The following NCOA7 variants were observed in gnomAD, a reference collection of about 807,000 sequenced individuals.
The protein encoded by NCOA7 is nuclear receptor coactivator 7.
A neutral mutation model predicts 104.3 loss-of-function variants in NCOA7; 45 were observed. The observed-to-expected ratio is 0.43, with a 90% CI of 0.34 to 0.55. The LOEUF is 0.55. Among genes scored for constraint, NCOA7 ranks in the 20% least tolerant of loss-of-function variants. The pLI is 0.02. For missense variants in NCOA7, 1,041 were observed against 1,119.7 expected, an observed-to-expected ratio of 0.93 and a Z score of 1.00; for synonymous variants, 398 against 402.3, an observed-to-expected ratio of 0.99 and a Z score of 0.13.
upstream of NCOA7, among the ~76,000 whole-genome samples, chr6:125,787,390 C>G (rs1051094486): frequency 6.6e-6 from 1 of 152,158 alleles, no homozygotes; most frequent in African/African-American, 2.4e-5. Context: ...TCTCTAAGCC[C>G]GCCTACCTTA....
At chr6:125,805,087 C>CTTTTTTTTTTTTTTTTTTTTTGT (rs1776311090) in intron 1 of NCOA7, among the ~76,000 whole-genome samples, 1 of 58,050 alleles carries the variant, frequency 1.7e-5, no homozygotes, top group African/African-American at 6.2e-5. Context: ...CCCTCTTGTT[C>CTTTTTTTTTTTTTTTTTTTTTGT]TTTTTTTTTT....
At chr6:125,816,935 C>T (rs77837782) in intron 2 of NCOA7, among the ~76,000 whole-genome samples, 3,808 of 152,332 alleles carry the variant, frequency 0.025, 61 homozygotes, top group Non-Finnish European at 0.038. Context: ...CTCACTCCTT[C>T]CATCTGCCTG....
chr6:125,796,367 C>G (rs1022133803), intron 1 of NCOA7, among the ~76,000 whole-genome samples: 1 of 18 alleles, frequency 0.056, no homozygotes, highest in African/African-American at 0.1. Flanking sequence ...TCAGTAGTCC[C>G]TCAGTATCGT....
chr6:125,838,767 G>A (rs1186855443), intron 2 of NCOA7, among the ~76,000 whole-genome samples: 2 of 152,138 alleles, frequency 1.3e-5, no homozygotes, highest in East Asian at 1.9e-4. Flanking sequence ...CAAATTTGGG[G>A]TTTCCCATGA....
At chr6:125,922,985 C>T (rs983524547) in intron 13 of NCOA7, 151 bp downstream of exon 13, 3 of 692,040 alleles carry the variant, frequency 4.3e-6, no homozygotes, top group Non-Finnish European at 6.7e-6. Context: ...TTTTTCTCTG[C>T]TGAAATATTT....
At chr6:125,825,732 C>G (rs1461485116) in intron 2 of NCOA7, among the ~76,000 whole-genome samples, 2 of 151,346 alleles carry the variant, frequency 1.3e-5, no homozygotes, top group Non-Finnish European at 1.5e-5. Context: ...GCTCCAACAT[C>G]TTTTTTTTTG....
intron 8 of NCOA7, among the ~76,000 whole-genome samples, chr6:125,886,508 A>G (rs1490281649): frequency 6.6e-6 from 1 of 152,244 alleles, no homozygotes; most frequent in Non-Finnish European, 1.5e-5. Context: ...ATTATGTTTA[A>G]TGATCTCGAT....
At chr6:125,793,229 T>C (rs1775011736) in intron 1 of NCOA7, among the ~76,000 whole-genome samples, 1 of 152,208 alleles carries the variant, frequency 6.6e-6, no homozygotes, top group Non-Finnish European at 1.5e-5. Context: ...CATTTTACAC[T>C]TCTTAAATTT....
intron 1 of NCOA7, among the ~76,000 whole-genome samples, chr6:125,806,225 CAGCT>C (rs1250853750): frequency 6.6e-6 from 1 of 152,088 alleles, no homozygotes; most frequent in Non-Finnish European, 1.5e-5. Context: ...CCTATAATCC[CAGCT>C]ACTTGGGAGG....
chr6:125,836,067 C>A (rs1382982348), intron 2 of NCOA7, among the ~76,000 whole-genome samples: 2 of 152,096 alleles, frequency 1.3e-5, no homozygotes, highest in Non-Finnish European at 2.9e-5. Flanking sequence ...GGTACAAATT[C>A]TTTCATTAGT....
chr6:125,928,709 G>A lies in NCOA7; in HGVS notation c.2767G>A (p.Asp923Asn). Residue 923 changes from aspartate (D) to asparagine (N), a missense_variant, in exon 16 of 16, where the codon GAT becomes AAT. Asp to Asn is a conservative substitution (Grantham distance 23). Around this residue, in one of 2 missense-constraint regions of NCOA7, gnomAD observed 127 missense variants for 177.0 expected, o/e 0.72. Coordinates refer to ENST00000392477, the MANE Select transcript of NCOA7 (RefSeq NM_181782.5). ...RSNSCSTFNN[D>N]ILSKKEDFIV... ...CAACTCTTGCAGCACTTTCAATAAT[G>A]ATATTCTTTCCAAAAAGGAAGACTT... is the stretch of plus-strand genomic sequence containing the variant. The A allele has an allele frequency of 6.2e-7, 1 of 1,613,212 alleles. No homozygotes were observed. Among genetic ancestry groups the A allele is most frequent in the Non-Finnish European group, 8.5e-7 (1 of 1,179,784 alleles).
intron 3 of NCOA7, among the ~76,000 whole-genome samples, chr6:125,874,146 G>A (rs761228312): frequency 2.4e-4 from 36 of 152,254 alleles, no homozygotes; most frequent in South Asian, 4.1e-4. Flanking sequence ...CCAACATGGC[G>A]AAACCCTGTC....
intron 3 of NCOA7, among the ~76,000 whole-genome samples, chr6:125,869,631 GGA>G (rs1458748614): frequency 6.6e-6 from 1 of 152,224 alleles, no homozygotes; most frequent in Non-Finnish European, 1.5e-5. Flanking sequence ...AGTGAAAGAG[GGA>G]GGCAGGAGAG....
chr6:125,839,074 T>TTGG (rs1171250212), intron 2 of NCOA7, among the ~76,000 whole-genome samples: 2 of 152,132 alleles, frequency 1.3e-5, no homozygotes, highest in East Asian at 3.9e-4. Flanking sequence ...GTTCATTACC[T>TTGG]ATGCATGATT....
Position 125,922,844 on chromosome 6 carries a change from G to A in NCOA7, c.2523+10G>A, listed in dbSNP as rs1787706768. On this transcript the variant is annotated intron_variant, in intron 13 of 15. Coordinates refer to ENST00000392477, the MANE Select transcript of NCOA7 (RefSeq NM_181782.5). ...AGATATGGATAATCAGGTGAGGCCTGTCCCTCTCATAAAGAATATTTTTTA... is the reference window on the plus strand; with the variant it reads ...AGATATGGATAATCAGGTGAGGCCTATCCCTCTCATAAAGAATATTTTTTA... The A allele has an allele frequency of 6.2e-7, 1 of 1,611,396 alleles. No individual in the cohort carries two copies. The highest frequency in any genetic ancestry group is 1.3e-5 in the African/African-American group (1 of 74,776).
In NCOA7 at chr6:125,830,737, ATG is replaced by A. The variant is rs890797445; in HGVS notation, c.50+15355_50+15356del. Among the ~76,000 whole-genome samples, 46 of 93,028 alleles carry A rather than the reference ATG, an allele frequency of 4.9e-4. No homozygotes were observed. The East Asian group carries it at 6.0e-3, about 12-fold the overall frequency. The allele number at this position is 93,028 out of a possible 152,430, so 61.0% of individuals were successfully genotyped here. On this transcript the variant is annotated intron_variant, in intron 2 of 15. Transcript: ENST00000392477. ...CTATATATTTTATATATATATATAT[ATG>A]TGTGTGTGTGTGTGTGTGTGTATGT...
chr6:125,882,458 C>T lies in NCOA7; in HGVS notation c.606C>T (p.Pro202=). 1 of 1,613,578 alleles carries T rather than the reference C, an allele frequency of 6.2e-7. No homozygotes were observed. Residue 202 remains proline, a synonymous_variant, in exon 7 of 16, where the codon CCC becomes CCT. Coordinates refer to ENST00000392477, the MANE Select transcript of NCOA7 (RefSeq NM_181782.5). ...DADLARKALK[P]IERVLSSTSE... ...ACTTAGCACGAAAGGCCTTGAAACCCATTGAAAGAGTCTTATCGTCTACTT... is the reference window on the plus strand; with the variant it reads ...ACTTAGCACGAAAGGCCTTGAAACCTATTGAAAGAGTCTTATCGTCTACTT...
chr6:125,897,900 T>C lies in NCOA7; in HGVS notation c.2096+7090T>C, dbSNP rs115907360. Reference sequence around the variant, plus strand: ...CACCATTTTAGCCAGGCTGGTCTCATACTTCTGATTTCAAGTGATCCGCCT... The same window carrying C: ...CACCATTTTAGCCAGGCTGGTCTCACACTTCTGATTTCAAGTGATCCGCCT... On this transcript the variant is annotated intron_variant, in intron 10 of 15. Coordinates refer to ENST00000392477, the MANE Select transcript of NCOA7 (RefSeq NM_181782.5). Among the ~76,000 whole-genome samples the C allele has an allele frequency of 7.5e-3, 1,141 of 152,282 alleles. 19 individuals carry two copies. Among genetic ancestry groups the C allele is most frequent in the African/African-American group, 0.026 (1,068 of 41,572 alleles).
intron 2 of NCOA7, among the ~76,000 whole-genome samples, chr6:125,827,154 A>G (rs1204753799): frequency 2.0e-5 from 3 of 148,154 alleles, no homozygotes; most frequent in East Asian, 2.0e-4. Context: ...CGCCATTGCA[A>G]TCCAGCCTGG....
Sources: allele counts gnomAD v4.1 joint callset (sites outside exome capture counted in the v4.1 genomes callset), GRCh38; gene constraint gnomAD v4.1.1; regional missense constraint gnomAD v4.1.1; transcripts MANE v1.5; gene names NCBI Gene and HGNC (gene_info 2026-07-23, HGNC 2026-07-21).